The following CSGALNACT1 variants were observed in gnomAD, a reference collection of about 807,000 sequenced individuals.
CSGALNACT1 encodes the protein chondroitin sulfate N-acetylgalactosaminyltransferase 1, also known as beta4GalNAcT-1.
A neutral mutation model predicts 51.0 loss-of-function variants in CSGALNACT1; 52 were observed. The ratio of observed to expected loss-of-function variants is 1.02; its 90% CI spans 0.82 to 1.29. The LOEUF (loss-of-function observed/expected upper bound fraction) is 1.29. Among genes scored for constraint, CSGALNACT1 ranks in the 50% most tolerant of loss-of-function variants. The pLI, the probability that CSGALNACT1 is intolerant of heterozygous loss-of-function variation, is 0.00. For synonymous variants in CSGALNACT1, 341 were observed against 254.4 expected (o/e 1.34, Z -3.24); for missense variants, 935 against 679.2 (o/e 1.38, Z -4.19).
intron 1 of CSGALNACT1, among the ~76,000 whole-genome samples, chr8:19,611,079 C>T (rs79080830): frequency 0.013 from 2,003 of 152,286 alleles, 66 homozygotes; most frequent in African/African-American, 0.046. Flanking sequence ...GAACTTTTCC[C>T]GTTTCAGAAA....
chr8:19,405,678 A>G (rs777805509), exon 10 of CSGALNACT1: 4 of 1,459,562 alleles, frequency 2.7e-6, no homozygotes, highest in Admixed American at 1.7e-5. Flanking sequence ...CATCAGTCCA[A>G]TTCTTTTGTC....
At chr8:19,634,345 T>C (rs774449945) in intron 1 of CSGALNACT1, among the ~76,000 whole-genome samples, 2 of 152,070 alleles carry the variant, frequency 1.3e-5, no homozygotes, top group Non-Finnish European at 2.9e-5. Flanking sequence ...GGGATGTTCG[T>C]GATGGGATTA....
chr8:19,654,828 G>A (rs1365231070), intron 1 of CSGALNACT1, among the ~76,000 whole-genome samples: 1 of 152,100 alleles, frequency 6.6e-6, no homozygotes, highest in East Asian at 1.9e-4. Context: ...TTACAGGCAT[G>A]AGCCACTGTG....
chr8:19,610,746 C>G (rs974246787), intron 1 of CSGALNACT1, among the ~76,000 whole-genome samples: 1 of 152,224 alleles, frequency 6.6e-6, no homozygotes, highest in African/African-American at 2.4e-5. Flanking sequence ...AAACCTTGCA[C>G]CCATTCTGCA....
At chr8:19,543,866 CA>C (rs2085845159) in intron 3 of CSGALNACT1, among the ~76,000 whole-genome samples, 3 of 152,118 alleles carry the variant, frequency 2.0e-5, no homozygotes, top group Admixed American at 6.6e-5. Context: ...ACCCCTGAAA[CA>C]AGTCCAAAAA....
intron 6 of CSGALNACT1, among the ~76,000 whole-genome samples, chr8:19,421,801 C>A (rs1253963535): frequency 1.3e-5 from 2 of 152,268 alleles, no homozygotes; most frequent in East Asian, 3.9e-4. Context: ...TGGGAGTGAG[C>A]TTGGATTCTT....
intron 1 of CSGALNACT1, chr8:19,682,330 G>A (rs1397109591): frequency 6.9e-6 from 2 of 290,034 alleles, no homozygotes; most frequent in African/African-American, 2.2e-5. Context: ...TAATCAGAGT[G>A]TTTGCTAATG....
At chr8:19,751,423 C>T (rs4921672) in intron 1 of CSGALNACT1, among the ~76,000 whole-genome samples, 33,538 of 152,094 alleles carry the variant, frequency 0.22, 3,865 homozygotes, top group African/African-American at 0.27. Context: ...AGAATTGTGA[C>T]AGAAGCGAAA....
rs1291344667 is a variant in CSGALNACT1, at chr8:19,408,698, C to A, written c.1228-4G>T. 1 of 1,613,500 alleles carries A rather than the reference C, an allele frequency of 6.2e-7. No homozygotes were observed. Reference sequence around the variant, plus strand: ...ATCCAGTTTCCTTCTTTATGACCTGCAAGAAAAGCACTGTCATTTGAGGGG... The same window carrying A: ...ATCCAGTTTCCTTCTTTATGACCTGAAAGAAAAGCACTGTCATTTGAGGGG... On this transcript the variant is annotated splice_polypyrimidine_tract_variant and splice_region_variant and intron_variant, in intron 8 of 9. Transcript: ENST00000454498.
intron 5 of CSGALNACT1, among the ~76,000 whole-genome samples, chr8:19,455,493 GTTTAC>G (rs2063914701): frequency 6.6e-6 from 1 of 152,140 alleles, no homozygotes; most frequent in Non-Finnish European, 1.5e-5. Flanking sequence ...TTTAATTGGA[GTTTAC>G]TTTGCTTTTT....
chr8:19,545,621 G>T (rs2086280220), intron 3 of CSGALNACT1, among the ~76,000 whole-genome samples: 2 of 151,998 alleles, frequency 1.3e-5, no homozygotes, highest in Admixed American at 1.3e-4. Flanking sequence ...CTGGGTCAAT[G>T]AATGAGTATG....
At chr8:19,650,555 C>T (rs909158854) in intron 1 of CSGALNACT1, among the ~76,000 whole-genome samples, 3 of 152,102 alleles carry the variant, frequency 2.0e-5, no homozygotes, top group South Asian at 2.1e-4. Context: ...CAGCAATGGT[C>T]GAACAGAAGA....
chr8:19,498,125 T>C (rs1252138665), intron 4 of CSGALNACT1, among the ~76,000 whole-genome samples: 1 of 152,118 alleles, frequency 6.6e-6, no homozygotes, highest in East Asian at 1.9e-4. Flanking sequence ...AAATAAACTT[T>C]CTAAATTAAC....
intron 6 of CSGALNACT1, 61 bp downstream of exon 5, chr8:19,439,769 G>T: frequency 8.0e-7 from 1 of 1,249,888 alleles, no homozygotes; most frequent in Non-Finnish European, 1.2e-6. Context: ...TTTCAGCCTT[G>T]GATGTGTGCT....
intron 4 of CSGALNACT1, among the ~76,000 whole-genome samples, chr8:19,498,970 G>A (rs565439958): frequency 1.3e-5 from 2 of 152,134 alleles, no homozygotes; most frequent in East Asian, 3.9e-4. Flanking sequence ...TAAAAAATTG[G>A]CTGGACATGG....
At chr8:19,656,062 G>T (rs959415522) in intron 1 of CSGALNACT1, among the ~76,000 whole-genome samples, 1 of 152,150 alleles carries the variant, frequency 6.6e-6, no homozygotes, top group Admixed American at 6.5e-5. Context: ...ACAAGCCTAG[G>T]TGAGGGCAAC....
At chr8:19,667,016 A>AAGGAAGGAAGGAAGG (rs2059383922) in intron 1 of CSGALNACT1, among the ~76,000 whole-genome samples, 5 of 43,472 alleles carry the variant, frequency 1.2e-4, no homozygotes, top group South Asian at 7.6e-4. Context: ...AGAAAGAAAG[A>AAGGAAGGAAGGAAGG]AAGGAAGGAA....
intron 3 of CSGALNACT1, among the ~76,000 whole-genome samples, chr8:19,590,640 CTTTTTTTTTTTTTT>C (rs34859554): frequency 1.4e-5 from 1 of 68,970 alleles, no homozygotes; most frequent in Admixed American, 2.2e-4. Flanking sequence ...GACCTAACTA[CTTTTTTTTTTTTTT>C]TTTTTTTTTT....
At chr8:19,488,370 C>CATATATATATATATATAT (rs56988602) in intron 4 of CSGALNACT1, among the ~76,000 whole-genome samples, 1 of 114,470 alleles carries the variant, frequency 8.7e-6, no homozygotes. Context: ...TTTATATATA[C>CATATATATATATATATAT]ATATATATAT....
Sources: allele counts gnomAD v4.1 joint callset (sites outside exome capture counted in the v4.1 genomes callset), GRCh38; gene constraint gnomAD v4.1.1; transcripts MANE v1.5; gene names NCBI Gene and HGNC (gene_info 2026-07-23, HGNC 2026-07-21).